Variants in RALB observed in about 807,000 individuals in gnomAD.
RALB encodes ras-related protein Ral-B.
A neutral mutation model predicts 21.3 loss-of-function variants in RALB; 16 were observed. That is an observed-to-expected ratio of 0.75 (90% CI 0.51 to 1.14). The LOEUF (loss-of-function observed/expected upper bound fraction) is 1.14. RALB is among the 50% of genes most tolerant of loss of function. The pLI is 0.00. For synonymous variants in RALB, 93 were observed against 96.1 expected (o/e 0.97, Z 0.19); for missense variants, 161 against 256.2 (o/e 0.63, Z 2.54).
rs372667767 is a variant in RALB, at chr2:120,256,892, T to C, written c.-48+3912T>C. Among the ~76,000 whole-genome samples the C allele has an allele frequency of 1.1e-4, 16 of 152,316 alleles. No homozygotes were observed. The East Asian group carries it at 2.9e-3, about 28-fold the overall frequency. ...TTTTTAAGGTTTAGTCCAGACATCA[T>C]TGAGAAAATCTTTCTTTCAGATGTT... On this transcript the variant is annotated intron_variant, in intron 1 of 4. Transcript: ENST00000272519.
In RALB at chr2:120,286,056, A is replaced by G. The variant is rs1690125860; in HGVS notation, c.297A>G (p.Glu99=). 6.2e-7 allele frequency: 1 copy of G among 1,614,036 alleles called. No homozygotes were observed. The stretch of plus-strand genomic sequence containing the variant: ...TTGTGTTCTCAATCACAGAACATGA[A>G]TCCTTTACAGCAACTGCCGAATTCA... ...FLLVFSITEH[E]SFTATAEFRE... Residue 99 remains glutamate (E), a synonymous_variant, in exon 3 of 5, where the codon GAA becomes GAG. Transcript: ENST00000272519.
intron 1 of RALB, among the ~76,000 whole-genome samples, chr2:120,257,492 T>C (rs1251794949): frequency 7.1e-6 from 1 of 140,752 alleles, no homozygotes; most frequent in African/African-American, 2.7e-5. Context: ...CTTCCATCTC[T>C]GAAAATTCTA....
At chr2:120,288,308 G>A (rs2289174) in intron 3 of RALB, among the ~76,000 whole-genome samples, 103,299 of 148,430 alleles carry the variant, frequency 0.7, 36,552 homozygotes, top group Middle Eastern at 0.8. Flanking sequence ...AATATTTGAT[G>A]TCTGGCACTT....
At chr2:120,278,058 CGT>C (rs950314262) in intron 1 of RALB, among the ~76,000 whole-genome samples, 15 of 133,534 alleles carry the variant, frequency 1.1e-4, no homozygotes, top group East Asian at 2.3e-4. Flanking sequence ...TGAATGTGAG[CGT>C]GTGTGAGTGT....
intron 1 of RALB, among the ~76,000 whole-genome samples, chr2:120,275,130 C>G (rs1689755993): frequency 2.0e-5 from 3 of 152,218 alleles, no homozygotes; most frequent in African/African-American, 7.2e-5. Flanking sequence ...CCCAGACAAG[C>G]TTCCTTGTCA....
At chr2:120,259,176 G>T (rs539418347) in intron 1 of RALB, among the ~76,000 whole-genome samples, 9 of 152,312 alleles carry the variant, frequency 5.9e-5, no homozygotes, top group Non-Finnish European at 1.5e-5. Flanking sequence ...TGCAAAGAGT[G>T]AAAGAACAAA....
At chr2:120,266,111 G>T (rs1689495134) in intron 1 of RALB, among the ~76,000 whole-genome samples, 1 of 152,200 alleles carries the variant, frequency 6.6e-6, no homozygotes, top group Admixed American at 6.5e-5. Flanking sequence ...TCAGATAAAT[G>T]AATTAATGTT....
chr2:120,269,229 GAT>G (rs1408518425), intron 1 of RALB, among the ~76,000 whole-genome samples: 1 of 152,142 alleles, frequency 6.6e-6, no homozygotes. Flanking sequence ...TTGTTCCCAA[GAT>G]GTATCCGGAG....
intron 1 of RALB, among the ~76,000 whole-genome samples, chr2:120,265,160 G>C (rs768723228): frequency 6.6e-6 from 1 of 152,196 alleles, no homozygotes; most frequent in Non-Finnish European, 1.5e-5. Context: ...TTTAAGCAAT[G>C]TCAGTGTTTT....
intron 1 of RALB, among the ~76,000 whole-genome samples, chr2:120,272,864 A>G (rs1689699561): frequency 6.6e-6 from 1 of 152,162 alleles, no homozygotes; most frequent in African/African-American, 2.4e-5. Flanking sequence ...AGAATTTATT[A>G]TCTTGTACTG....
rs1336701200 is a variant in RALB, at chr2:120,293,161, A to G, written c.522A>G (p.Arg174=). Residue 174 remains arginine (R), a synonymous_variant, in exon 5 of 5, where the codon AGA becomes AGG. Transcript: ENST00000272519. The part of the protein sequence containing the change: ...NVDKVFFDLM[R]EIRTKKMSEN... ...CCCAGGTGTTCTTTGACCTAATGAG[A>G]GAAATCAGAACAAAGAAGATGTCAG... 2.5e-6 allele frequency: 4 copies of G among 1,613,130 alleles called. No homozygotes were observed. The highest frequency in any genetic ancestry group is 2.2e-5 in the South Asian group (2 of 90,914).
At chr2:120,253,643 G>GTC in intron 1 of RALB, 10 of 985,530 alleles carry the variant, frequency 1.0e-5, no homozygotes, top group Non-Finnish European at 1.1e-5. Context: ...GGGGCGCGGA[G>GTC]CTTGCTGCGT....
intron 2 of RALB, among the ~76,000 whole-genome samples, chr2:120,283,448 A>G (rs1468348010): frequency 6.6e-6 from 1 of 152,138 alleles, no homozygotes. Flanking sequence ...CTTAACCCTT[A>G]TTTAAAATTG....
At position 120,293,234 on chromosome 2, in the gene RALB, T is replaced by G; in HGVS notation, c.595T>G (p.Phe199Val). Residue 199 changes from phenylalanine to valine, a missense_variant, in exon 5 of 5, where the codon TTT becomes GTT. Physicochemically the swap from Phe to Val is conservative, Grantham distance 50 (BLOSUM62 -1). Coordinates refer to ENST00000272519, the MANE Select transcript of RALB (RefSeq NM_002881.3). ...GKKSSKNKKS[F>V]KERCCLL Reference sequence around the variant, plus strand: ...GAAAAGCAGCAAGAACAAGAAAAGTTTTAAAGAAAGATGTTGCTTACTATG... The same window carrying G: ...GAAAAGCAGCAAGAACAAGAAAAGTGTTAAAGAAAGATGTTGCTTACTATG... 6.2e-7 allele frequency: 1 copy of G among 1,613,294 alleles called. No individual in the cohort carries two copies. Among genetic ancestry groups the G allele is most frequent in the Non-Finnish European group, 8.5e-7 (1 of 1,179,596 alleles).
At chr2:120,249,857 T>C (rs1377443678), upstream of RALB, among the ~76,000 whole-genome samples, 2 of 152,184 alleles carry the variant, frequency 1.3e-5, no homozygotes, top group African/African-American at 2.4e-5. Flanking sequence ...CTTCCAGCCC[T>C]GTGTGACTCA....
rs1690350855 is a variant in RALB at position 120,293,328 on chromosome 2, A to G, written c.*68A>G. 6 of 1,457,512 alleles carry G rather than the reference A, an allele frequency of 4.1e-6. No individual in the cohort carries two copies. The highest frequency in any genetic ancestry group is 1.8e-4 in the Middle Eastern group (1 of 5,458). The allele number at this position is 1,457,512 out of a possible 1,614,324, so 90.3% of individuals were successfully genotyped here. ...GGGCTGGGTTGGTAAAGAGAAGGCT[A>G]TGGTTGACTTCTTGCTTGTGCTTCC... On this transcript the variant is annotated 3_prime_UTR_variant, in exon 5 of 5. Coordinates refer to ENST00000272519, the MANE Select transcript of RALB (RefSeq NM_002881.3).
At chr2:120,256,757 A>T (rs1689209134) in intron 1 of RALB, among the ~76,000 whole-genome samples, 1 of 152,216 alleles carries the variant, frequency 6.6e-6, no homozygotes, top group African/African-American at 2.4e-5. Flanking sequence ...TGGAGATGGC[A>T]TACCATCCCT....
rs781311237 is a variant in RALB, at chr2:120,293,090, T to G, written c.502-51T>G. Reference sequence around the variant, plus strand: ...CAGGTTAACAAAAGAAAAAAATCATTAAATGGCTCTTTCTTCACTATTCTT... The same window carrying G: ...CAGGTTAACAAAAGAAAAAAATCATGAAATGGCTCTTTCTTCACTATTCTT... On this transcript the variant is annotated intron_variant, in intron 4 of 4. Transcript: ENST00000272519. 2.6e-6 allele frequency: 4 copies of G among 1,523,718 alleles called. No individual in the cohort carries two copies. The East Asian group carries it at 9.5e-5, about 36-fold the overall frequency. The allele number at this position is 1,523,718 out of a possible 1,614,324, so 94.4% of individuals were successfully genotyped here.
chr2:120,280,229 G>T (rs1021560060), intron 2 of RALB, among the ~76,000 whole-genome samples: 1 of 152,140 alleles, frequency 6.6e-6, no homozygotes, highest in African/African-American at 2.4e-5. Flanking sequence ...TTCATTACTA[G>T]AAATGCCATG....
Sources: gnomAD v4.1 joint callset for allele counts (sites outside exome capture counted in the v4.1 genomes callset) on GRCh38, gnomAD v4.1.1 for gene constraint, MANE v1.5 for transcripts, NCBI Gene and HGNC (gene_info 2026-07-23, HGNC 2026-07-21) for gene names.